The following ROGDI variants were observed in gnomAD, a reference collection of about 807,000 sequenced individuals.
ROGDI encodes the protein protein rogdi homolog.
A neutral mutation model predicts 43.1 loss-of-function variants in ROGDI; 46 were observed. The ratio of observed to expected loss-of-function variants is 1.07; its 90% CI spans 0.84 to 1.37. The LOEUF (loss-of-function observed/expected upper bound fraction) is 1.37. Among genes scored for constraint, ROGDI ranks in the 40% most tolerant of loss-of-function variants. The pLI is 0.00. For missense variants in ROGDI, 518 were observed against 383.9 expected, an observed-to-expected ratio of 1.35 and a Z score of -2.92; for synonymous variants, 243 against 162.0, an observed-to-expected ratio of 1.50 and a Z score of -3.80.
In ROGDI at chr16:4,799,702, C is replaced by A; in HGVS notation, c.416G>T (p.Gly139Val). The A allele has an allele frequency of 6.2e-7, 1 of 1,613,358 alleles. No individual in the cohort carries two copies. Among genetic ancestry groups the A allele is most frequent in the Non-Finnish European group, 8.5e-7 (1 of 1,179,560 alleles). The change falls in exon 6 of 11, where the codon GGC becomes GTC. Residue 139 changes from glycine to valine, a missense_variant. Physicochemically the swap from Gly to Val is moderately radical, Grantham distance 109. Transcript: ENST00000322048. Reference sequence around the variant, plus strand: ...GCAGCTCACCTTGAGGACCTCAGCGCCCGTCTTGAACTGGTAGCTCTGGTC... The same window carrying A: ...GCAGCTCACCTTGAGGACCTCAGCGACCGTCTTGAACTGGTAGCTCTGGTC... ...SRDQSYQFKT[G>V]AEVLKLMDAV...
At position 4,799,857 on chromosome 16, in the gene ROGDI, T is replaced by A. The variant is rs547807472; in HGVS notation, c.337-76A>T. On this transcript the variant is annotated intron_variant, in intron 5 of 10. Transcript: ENST00000322048. The stretch of plus-strand genomic sequence containing the variant: ...GAGGGGAGAGTGGGTGCTGCCTGCC[T>A]GCCCCACGTCATTCCACTCTCCACA... The A allele has an allele frequency of 1.1e-4, 108 of 1,025,902 alleles. No individual in the cohort carries two copies. In the African/African-American group the frequency reaches 1.6e-3, roughly 15 times the overall value. 63.5% of individuals were successfully genotyped at this position (1,025,902 alleles called of 1,614,324 possible).
Position 4,802,421 on chromosome 16 carries a change from CTCG to C in ROGDI, c.75_77del (p.Asp25del), listed in dbSNP as rs2082743142. The C allele has an allele frequency of 6.6e-7, 1 of 1,520,026 alleles. No individual in the cohort carries two copies. The highest frequency in any genetic ancestry group is 8.8e-7 in the Non-Finnish European group (1 of 1,139,752). The allele number at this position is 1,520,026 out of a possible 1,614,324, so 94.2% of individuals were successfully genotyped here. ...GCAGCTGCTTCAACACAGCGTGCAC[CTCG>C]TCGTGCAGCAGCCAGCGGAACTCCT... On this transcript the variant is annotated inframe_deletion, in exon 2 of 11. Coordinates refer to ENST00000322048, the MANE Select transcript of ROGDI (RefSeq NM_024589.3).
intron 10 of ROGDI, 30 bp downstream of exon 10, chr16:4,797,684 C>T (rs1596274243): frequency 6.2e-7 from 1 of 1,613,812 alleles, no homozygotes; most frequent in East Asian, 2.2e-5. Context: ...GAAGTCCTTC[C>T]CCTAATGAAG....
chr16:4,797,186 T>C lies in ROGDI; in HGVS notation c.*274A>G. The stretch of plus-strand genomic sequence containing the variant: ...GCCCTGCGCCTGGCCCTGTCCTGAG[T>C]CCAAAGATTCCCATGGTGATCAGAG... On this transcript the variant is annotated 3_prime_UTR_variant, in exon 11 of 11. Coordinates refer to ENST00000322048, the MANE Select transcript of ROGDI (RefSeq NM_024589.3). 2.4e-6 allele frequency: 1 copy of C among 417,720 alleles called. No homozygotes were observed. Among genetic ancestry groups the C allele is most frequent in the Middle Eastern group, 6.8e-4 (1 of 1,476 alleles). 25.9% of individuals were successfully genotyped at this position (417,720 alleles called of 1,614,324 possible). A position where few individuals can be genotyped will look rare whatever the true frequency, so the allele number is the denominator to read the frequency against.
chr16:4,802,487 C>T, intron 1 of ROGDI, 34 bp from the exon 2 acceptor site: 2 of 1,213,904 alleles, frequency 1.6e-6, no homozygotes, highest in Non-Finnish European at 1.0e-6. Flanking sequence ...CGCCCGGCCC[C>T]GCCGCCCCGC....
At chr16:4,800,475 C>G (rs1416331863) in intron 5 of ROGDI, 23 bp downstream of exon 5, 1 of 1,545,696 alleles carries the variant, frequency 6.5e-7, no homozygotes, top group Non-Finnish European at 8.8e-7. Context: ...TGGCTGAGCA[C>G]TAGCCAGGAG....
intron 7 of ROGDI, 116 bp from the exon 8 acceptor site, chr16:4,798,300 G>T: frequency 1.1e-6 from 1 of 882,122 alleles, no homozygotes; most frequent in Middle Eastern, 3.3e-4. Context: ...CCCCAGAGAT[G>T]CTCTTCTCAT....
rs772460139 is a variant in ROGDI, at chr16:4,799,785, G to C, written c.337-4C>G. ...CATGGTTTCTGGCATCCTGGATCTG[G>C]AAGCAGGGGTCATCCAGAGGGGTCA... On this transcript the variant is annotated splice_polypyrimidine_tract_variant and splice_region_variant and intron_variant, in intron 5 of 10. Coordinates refer to ENST00000322048, the MANE Select transcript of ROGDI (RefSeq NM_024589.3). The C allele has an allele frequency of 6.2e-7, 1 of 1,610,922 alleles. No homozygotes were observed. The highest frequency in any genetic ancestry group is 8.5e-7 in the Non-Finnish European group (1 of 1,177,574).
chr16:4,801,878 G>A (rs2082728748), intron 2 of ROGDI: 3 of 576,774 alleles, frequency 5.2e-6, no homozygotes, highest in East Asian at 3.0e-5. Flanking sequence ...AGGGGCAAGG[G>A]GCAGAGTCAG....
At chr16:4,800,951 T>C (rs1596277526) in intron 4 of ROGDI, 1 of 504,972 alleles carries the variant, frequency 2.0e-6, no homozygotes, top group Non-Finnish European at 3.5e-6. Flanking sequence ...CAGAGTCGGG[T>C]GCAGACTGGA....
chr16:4,798,170 A>T lies in ROGDI; in HGVS notation c.546T>A (p.Pro182=). The T allele has an allele frequency of 6.2e-7, 1 of 1,613,748 alleles. No homozygotes were observed. Among genetic ancestry groups the T allele is most frequent in the Non-Finnish European group, 8.5e-7 (1 of 1,179,840 alleles). Residue 182 remains proline (P), a synonymous_variant, in exon 8 of 11, where the codon CCT becomes CCA. Coordinates refer to ENST00000322048, the MANE Select transcript of ROGDI (RefSeq NM_024589.3). The part of the protein sequence containing the change: ...AASGLTRMFA[P]ALPSDLLVNV... ...TGACCAGCAGGTCGGACGGCAGGGC[A>T]GGGGCGAACATCCGCTGCGGGAGGC...
intron 6 of ROGDI, among the ~76,000 whole-genome samples, chr16:4,799,392 G>A (rs914097738): frequency 6.6e-6 from 1 of 152,128 alleles, no homozygotes; most frequent in Admixed American, 6.5e-5. Flanking sequence ...GAGGTCAGGT[G>A]CCCAGGTCAG....
chr16:4,801,659 C>T (rs1478395677), intron 2 of ROGDI, 74 bp from the exon 3 acceptor site: 1 of 1,372,962 alleles, frequency 7.3e-7, no homozygotes, highest in African/African-American at 1.4e-5. Context: ...CCAGAAGCCC[C>T]CCTCCCTCCA....
At chr16:4,800,620 C>A (rs780059307) in intron 4 of ROGDI, 42 bp from the exon 5 acceptor site, 2 of 1,460,842 alleles carry the variant, frequency 1.4e-6, no homozygotes, top group South Asian at 1.2e-5. Context: ...TGGGGGGGCA[C>A]CTCCTGCCAC....
chr16:4,798,241 G>T, intron 7 of ROGDI, 57 bp from the exon 8 acceptor site: 1 of 1,409,726 alleles, frequency 7.1e-7, no homozygotes, highest in Non-Finnish European at 9.9e-7. Flanking sequence ...GCTGGATGGA[G>T]CGGGGCTCTG....
At position 4,802,467 on chromosome 16, in the gene ROGDI, C is replaced by T; in HGVS notation, c.46-14G>A. The T allele has an allele frequency of 1.6e-6, 2 of 1,256,064 alleles. No individual in the cohort carries two copies. The highest frequency in any genetic ancestry group is 2.0e-6 in the Non-Finnish European group (2 of 1,003,364). 77.8% of individuals were successfully genotyped at this position (1,256,064 alleles called of 1,614,324 possible). A position where few individuals can be genotyped will look rare whatever the true frequency, so the allele number is the denominator to read the frequency against. ...GAACTCCTCCTCCTGCGGGACAGAC[C>T]CGGCGGTCGCGCCCGGCCCCGCCGC... On this transcript the variant is annotated splice_polypyrimidine_tract_variant and intron_variant, in intron 1 of 10. Transcript: ENST00000322048.
At chr16:4,800,617 G>T in intron 4 of ROGDI, 39 bp from the exon 5 acceptor site, 1 of 1,474,032 alleles carries the variant, frequency 6.8e-7, no homozygotes, top group Non-Finnish European at 9.3e-7. Flanking sequence ...CAGTGGGGGG[G>T]CACCTCCTGC....
At position 4,799,421 on chromosome 16, in the gene ROGDI, C is replaced by T. The variant is rs191260517; in HGVS notation, c.432+265G>A. ...AGGTCAGCTCTTCACATGTGCCACG[C>T]GGTTAATGTGAAGGCTTTCACTGCT... On this transcript the variant is annotated intron_variant, in intron 6 of 10. Transcript: ENST00000322048. Among the ~76,000 whole-genome samples, 38 of 152,218 alleles carry T rather than the reference C, an allele frequency of 2.5e-4. No individual in the cohort carries two copies. In the East Asian group the frequency reaches 4.8e-3, roughly 19 times the overall value.
chr16:4,798,694 G>A (rs1291555856), intron 6 of ROGDI, 27 bp from the exon 7 acceptor site: 2 of 1,513,752 alleles, frequency 1.3e-6, no homozygotes, highest in Non-Finnish European at 8.9e-7. Flanking sequence ...GGTTGGCTCT[G>A]CGTCCTCCCG....
Sources: allele counts gnomAD v4.1 joint callset (sites outside exome capture counted in the v4.1 genomes callset), GRCh38; gene constraint gnomAD v4.1.1; transcripts MANE v1.5; gene names NCBI Gene and HGNC (gene_info 2026-07-23, HGNC 2026-07-21).